ERG: variants seen among roughly 807,000 people sequenced by gnomAD.
The protein encoded by ERG is ETS transcription factor ERG.
ERG carries 9 observed loss-of-function variants against 55.3 expected under a neutral mutation model. The ratio of observed to expected loss-of-function variants is 0.16; its 90% CI spans 0.10 to 0.28. The LOEUF is 0.28. Ranked by LOEUF, ERG falls within the 10% of genes least tolerant of loss-of-function variation. The probability of loss-of-function intolerance (pLI) is 1.00; values close to 1 mark genes in which losing one functional copy is unlikely to be tolerated. For missense variants in ERG, 434 were observed against 631.6 expected, an observed-to-expected ratio of 0.69 and a Z score of 3.35; for synonymous variants, 223 against 237.3, an observed-to-expected ratio of 0.94 and a Z score of 0.55.
intron 3 of ERG, among the ~76,000 whole-genome samples, chr21:38,419,840 C>G (rs1399867078): frequency 2.0e-5 from 3 of 152,060 alleles, no homozygotes; most frequent in Admixed American, 2.0e-4. Context: ...AATCGCTTCT[C>G]AAAAGTGGGT....
chr21:38,507,257 C>A (rs2146713882), intron 2 of ERG, among the ~76,000 whole-genome samples: 1 of 152,332 alleles, frequency 6.6e-6, no homozygotes, highest in South Asian at 2.1e-4. Flanking sequence ...TGATATTTCT[C>A]CGAAGGGAAG....
chr21:38,555,663 C>T (rs2059854162), intron 2 of ERG, among the ~76,000 whole-genome samples: 1 of 152,002 alleles, frequency 6.6e-6, no homozygotes, highest in Non-Finnish European at 1.5e-5. Context: ...AATTCAAGTC[C>T]ACATGGAAAA....
intron 2 of ERG, among the ~76,000 whole-genome samples, chr21:38,516,983 T>C (rs920581102): frequency 6.6e-6 from 1 of 152,062 alleles, no homozygotes; most frequent in African/African-American, 2.4e-5. Context: ...GATGAAAGAC[T>C]TAAACTTAAG....
At chr21:38,633,463 T>C (rs1317874723) in intron 1 of ERG, among the ~76,000 whole-genome samples, 1 of 152,230 alleles carries the variant, frequency 6.6e-6, no homozygotes, top group African/African-American at 2.4e-5. Flanking sequence ...TCAGTTCATG[T>C]GTGTAAAGCA....
At chr21:38,594,156 T>C (rs2060117800) in intron 1 of ERG, among the ~76,000 whole-genome samples, 2 of 152,200 alleles carry the variant, frequency 1.3e-5, no homozygotes. Flanking sequence ...CAGTGATGGG[T>C]ACTGAGCCAC....
intron 1 of ERG, among the ~76,000 whole-genome samples, chr21:38,486,828 C>T (rs2059289832): frequency 6.6e-6 from 1 of 152,190 alleles, no homozygotes; most frequent in Non-Finnish European, 1.5e-5. Context: ...AAACTACAGG[C>T]AGCTGCCAGC....
intron 1 of ERG, among the ~76,000 whole-genome samples, chr21:38,622,131 G>A (rs992627680): frequency 5.9e-5 from 9 of 152,226 alleles, no homozygotes; most frequent in Admixed American, 5.9e-4. Flanking sequence ...GCACCACTGT[G>A]CAGTGCACAA....
chr21:38,601,091 G>T (rs920094901), intron 1 of ERG, among the ~76,000 whole-genome samples: 2 of 152,154 alleles, frequency 1.3e-5, no homozygotes, highest in African/African-American at 4.8e-5. Flanking sequence ...AGCTTTTATT[G>T]CCGGGACTGA....
chr21:38,573,696 TAATC>T (rs1206442928), intron 2 of ERG, among the ~76,000 whole-genome samples: 1 of 152,230 alleles, frequency 6.6e-6, no homozygotes, highest in African/African-American at 2.4e-5. Context: ...ATGAAAATAA[TAATC>T]AATTAAAACT....
At chr21:38,580,445 T>C (rs1237193607) in intron 1 of ERG, among the ~76,000 whole-genome samples, 1 of 152,252 alleles carries the variant, frequency 6.6e-6, no homozygotes, top group East Asian at 1.9e-4. Flanking sequence ...GATAGTTTCA[T>C]GTCACTGTAG....
intron 2 of ERG, among the ~76,000 whole-genome samples, chr21:38,566,395 C>T (rs1285737331): frequency 6.6e-6 from 1 of 152,200 alleles, no homozygotes; most frequent in Non-Finnish European, 1.5e-5. Flanking sequence ...TGATCCTCAA[C>T]CCCCAATTGC....
At position 38,435,142 on chromosome 21, in the gene ERG, G is replaced by A. The variant is rs371145630; in HGVS notation, c.236+10262C>T. ...AGAACCCCCACAAGGAGGCTGGCCC[G>A]GGACAAGCATTCCAGGCCTGTCTCA... On this transcript the variant is annotated intron_variant, in intron 2 of 9. Coordinates refer to ENST00000288319, the MANE Select transcript of ERG (RefSeq NM_182918.4). Among the ~76,000 whole-genome samples, 71 of 152,214 alleles carry A rather than the reference G, an allele frequency of 4.7e-4. 1 individual carries two copies. The South Asian group carries it at 0.013, about 29-fold the overall frequency.
At chr21:38,586,894 G>A (rs2060068863), upstream of ERG, among the ~76,000 whole-genome samples, 1 of 152,148 alleles carries the variant, frequency 6.6e-6, no homozygotes, top group African/African-American at 2.4e-5. Flanking sequence ...CAACCTAAGT[G>A]TCCATCAACA....
chr21:38,466,360 GTATATATGATT>G (rs546842350), intron 1 of ERG, among the ~76,000 whole-genome samples: 2 of 148,206 alleles, frequency 1.3e-5, no homozygotes, highest in Non-Finnish European at 3.0e-5. Context: ...TATATATGAT[GTATATATGATT>G]TATATATATA....
intron 1 of ERG, among the ~76,000 whole-genome samples, chr21:38,603,512 A>G (rs1343765977): frequency 6.6e-6 from 1 of 152,058 alleles, no homozygotes; most frequent in Non-Finnish European, 1.5e-5. Flanking sequence ...CATTCTTTGC[A>G]GTTCCTTGCT....
intron 3 of ERG, 96 bp from the exon 4 acceptor site, chr21:38,403,805 CT>C: frequency 8.4e-7 from 1 of 1,192,910 alleles, no homozygotes; most frequent in Non-Finnish European, 1.2e-6. Flanking sequence ...GACCAGCTGC[CT>C]TCCACAAGCA....
intron 1 of ERG, among the ~76,000 whole-genome samples, chr21:38,627,812 T>C (rs2041753811): frequency 6.6e-6 from 1 of 152,214 alleles, no homozygotes; most frequent in Non-Finnish European, 1.5e-5. Flanking sequence ...AATACTCCTA[T>C]GCAAGAAAGG....
At chr21:38,575,686 G>A in exon 2 of ERG, 2 of 1,614,010 alleles carry the variant, frequency 1.2e-6, no homozygotes, top group Non-Finnish European at 1.7e-6. Flanking sequence ...CTGGGTCCGG[G>A]ACAGTCTGAA....
intron 1 of ERG, among the ~76,000 whole-genome samples, chr21:38,634,051 C>A (rs1160232146): frequency 6.6e-6 from 1 of 151,866 alleles, no homozygotes; most frequent in East Asian, 1.9e-4. Flanking sequence ...AATACGTCCA[C>A]AAAAATAAAA....
Sources: allele counts gnomAD v4.1 joint callset (sites outside exome capture counted in the v4.1 genomes callset), GRCh38; gene constraint gnomAD v4.1.1; transcripts MANE v1.5; gene names NCBI Gene and HGNC (gene_info 2026-07-23, HGNC 2026-07-21).